The following DGKI variants were observed in gnomAD, a reference collection of about 807,000 sequenced individuals.
DGKI encodes DAG kinase iota.
In DGKI, 55 loss-of-function variants were observed where a neutral mutation model predicts 147.5. The observed-to-expected ratio is 0.37, with a 90% CI of 0.30 to 0.47. The LOEUF is 0.47. Ranked by LOEUF, DGKI falls within the 20% of genes least tolerant of loss-of-function variation. The pLI, the probability that DGKI is intolerant of heterozygous loss-of-function variation, is 1.00. For synonymous variants in DGKI, 469 were observed against 477.1 expected, an observed-to-expected ratio of 0.98 and a Z score of 0.22; for missense variants, 1,007 against 1,323.8, an observed-to-expected ratio of 0.76 and a Z score of 3.71.
At chr7:137,701,034 T>C (rs947438953) in intron 1 of DGKI, among the ~76,000 whole-genome samples, 5 of 152,204 alleles carry the variant, frequency 3.3e-5, no homozygotes, top group East Asian at 1.9e-4. Context: ...ATATGGCCTT[T>C]GTTCATCCTA....
At chr7:137,796,363 GGT>G (rs1476924885) in intron 1 of DGKI, among the ~76,000 whole-genome samples, 1 of 152,274 alleles carries the variant, frequency 6.6e-6, no homozygotes, top group East Asian at 1.9e-4. Flanking sequence ...AGCTGGGCAT[GGT>G]GGTGGATGCC....
At chr7:137,708,904 T>C (rs1232918970) in intron 1 of DGKI, among the ~76,000 whole-genome samples, 1 of 152,166 alleles carries the variant, frequency 6.6e-6, no homozygotes, top group Non-Finnish European at 1.5e-5. Flanking sequence ...TCAGTAAGCA[T>C]ATTAAAGGTA....
At chr7:137,500,953 C>T (rs2128942337) in intron 21 of DGKI, among the ~76,000 whole-genome samples, 1 of 152,094 alleles carries the variant, frequency 6.6e-6, no homozygotes, top group African/African-American at 2.4e-5. Context: ...GCTATAGAAC[C>T]ATAAAGGTTA....
At chr7:137,810,955 T>G (rs7808994) in intron 1 of DGKI, among the ~76,000 whole-genome samples, 1 of 151,938 alleles carries the variant, frequency 6.6e-6, no homozygotes, top group Non-Finnish European at 1.5e-5. Flanking sequence ...CTCTATCTTA[T>G]GTAGTACATT....
At chr7:137,835,659 G>A (rs1798356069) in intron 1 of DGKI, among the ~76,000 whole-genome samples, 1 of 152,102 alleles carries the variant, frequency 6.6e-6, no homozygotes, top group African/African-American at 2.4e-5. Flanking sequence ...ATGTGTACAG[G>A]AAGGGCAATG....
chr7:137,781,390 A>T (rs1308829803), intron 1 of DGKI, among the ~76,000 whole-genome samples: 1 of 152,246 alleles, frequency 6.6e-6, no homozygotes, highest in Non-Finnish European at 1.5e-5. Flanking sequence ...AAGTAAACTT[A>T]CATATCTGCT....
At chr7:137,422,952 A>G (rs1812639020) in intron 28 of DGKI, among the ~76,000 whole-genome samples, 1 of 152,178 alleles carries the variant, frequency 6.6e-6, no homozygotes, top group Admixed American at 6.5e-5. Flanking sequence ...GTACACTGTA[A>G]CATTCTTTTC....
At chr7:137,629,943 C>G (rs1207253016) in intron 6 of DGKI, among the ~76,000 whole-genome samples, 3 of 152,008 alleles carry the variant, frequency 2.0e-5, no homozygotes, top group Admixed American at 2.0e-4. Flanking sequence ...CATAGAAAAC[C>G]TAAGTTTTCT....
chr7:137,427,049 C>A (rs1812842102), intron 28 of DGKI, among the ~76,000 whole-genome samples: 1 of 151,374 alleles, frequency 6.6e-6, no homozygotes, highest in African/African-American at 2.4e-5. Flanking sequence ...ACCAAGTGGA[C>A]CTAATAGACA....
At chr7:137,580,955 ATAT>A (rs113758933) in intron 15 of DGKI, among the ~76,000 whole-genome samples, 8 of 152,256 alleles carry the variant, frequency 5.3e-5, no homozygotes, top group African/African-American at 1.9e-4. Flanking sequence ...CTGGTTATAT[ATAT>A]TCAGAAGGCA....
Position 137,846,951 on chromosome 7 carries a change from C to T in DGKI, c.-89G>A. Reference sequence around the variant, plus strand: ...AGAGGCCGCCGCTCCCCGCCTCCCGCGCCCTCCCGCGCCGGCCCGCACCCT... The same window carrying T: ...AGAGGCCGCCGCTCCCCGCCTCCCGTGCCCTCCCGCGCCGGCCCGCACCCT... On this transcript the variant is annotated 5_prime_UTR_variant, in exon 1 of 33. Coordinates refer to ENST00000614521, the MANE Select transcript of DGKI (RefSeq NM_001321708.2). The surrounding 1 kb of genome is among the most constrained non-coding windows in gnomAD (Gnocchi z 4.0). 1 of 968,116 alleles carries T rather than the reference C, an allele frequency of 1.0e-6. No individual in the cohort carries two copies. The highest frequency in any genetic ancestry group is 1.2e-6 in the Non-Finnish European group (1 of 803,614). 60.0% of individuals were successfully genotyped at this position (968,116 alleles called of 1,614,324 possible). A position where few individuals can be genotyped will look rare whatever the true frequency, so the allele number is the denominator to read the frequency against.
At chr7:137,596,061 AAGGAGAGAGAATG>A (rs1481440139) in intron 12 of DGKI, among the ~76,000 whole-genome samples, 2 of 150,158 alleles carry the variant, frequency 1.3e-5, no homozygotes, top group African/African-American at 4.9e-5. Context: ...AGGAAGAAGA[AAGGAGAGAGAATG>A]AGGGAGGGAG....
intron 1 of DGKI, among the ~76,000 whole-genome samples, chr7:137,780,986 G>C (rs1796501197): frequency 6.6e-6 from 1 of 152,228 alleles, no homozygotes; most frequent in Admixed American, 6.5e-5. Flanking sequence ...GTCCTCAGCA[G>C]TCTGTGCAGT....
intron 27 of DGKI, among the ~76,000 whole-genome samples, chr7:137,450,147 G>A (rs1813894716): frequency 6.6e-6 from 1 of 152,124 alleles, no homozygotes. Context: ...TGAGGGAGAT[G>A]GGAGACATGC....
chr7:137,588,633 C>T (rs1240881037), intron 12 of DGKI, among the ~76,000 whole-genome samples: 9 of 152,134 alleles, frequency 5.9e-5, no homozygotes, highest in East Asian at 1.9e-4. Context: ...TATGCCACCA[C>T]GCCGGGCGAA....
chr7:137,595,928 G>GGAGGCAGA (rs1339550034), intron 12 of DGKI, among the ~76,000 whole-genome samples: 3 of 147,646 alleles, frequency 2.0e-5, no homozygotes, highest in Middle Eastern at 3.6e-3. Context: ...CTTGAACCTG[G>GGAGGCAGA]GAGGCAGAGG....
chr7:137,430,855 A>G (rs12707357), intron 28 of DGKI, among the ~76,000 whole-genome samples: 62,056 of 151,848 alleles, frequency 0.41, 14,907 homozygotes, highest in Non-Finnish European at 0.55. Context: ...TGTGTCAGGA[A>G]TAGCGGGAAA....
chr7:137,608,532 C>G (rs706576), intron 10 of DGKI, among the ~76,000 whole-genome samples: 2,065 of 152,218 alleles, frequency 0.014, 50 homozygotes, highest in African/African-American at 0.047. Context: ...TATCATGGCT[C>G]ATGAATCATC....
chr7:137,645,644 G>T, intron 5 of DGKI, 107 bp from the exon 6 acceptor site: 1 of 1,023,982 alleles, frequency 9.8e-7, no homozygotes, highest in Non-Finnish European at 1.4e-6. Flanking sequence ...ATAGTTCACT[G>T]CAGCCTCGAA....
Sources: gnomAD v4.1 joint callset for allele counts (sites outside exome capture counted in the v4.1 genomes callset) on GRCh38, gnomAD v4.1.1 for gene constraint, Gnocchi (gnomAD v3.1) non-coding constraint, MANE v1.5 for transcripts, NCBI Gene and HGNC (gene_info 2026-07-23, HGNC 2026-07-21) for gene names.